The following KHDRBS2 variants were observed in gnomAD, a reference collection of about 807,000 sequenced individuals.
The protein encoded by KHDRBS2 is KH domain-containing, RNA-binding, signal transduction-associated protein 2.
In KHDRBS2, 26 loss-of-function variants were observed where a neutral mutation model predicts 44.3. The observed-to-expected ratio is 0.59, with a 90% CI of 0.43 to 0.81. The LOEUF (loss-of-function observed/expected upper bound fraction) is 0.81. Ranked by LOEUF, KHDRBS2 falls within the 40% of genes least tolerant of loss-of-function variation. The pLI, the probability that KHDRBS2 is intolerant of heterozygous loss-of-function variation, is 0.00. For synonymous variants in KHDRBS2, 194 were observed against 151.1 expected (o/e 1.28, Z -2.08); for missense variants, 476 against 433.1 (o/e 1.10, Z -0.88).
downstream of KHDRBS2, chr6:61,679,923 A>G (rs1363468091): frequency 1.3e-5 from 2 of 151,966 alleles, no homozygotes; most frequent in African/African-American, 4.8e-5. Flanking sequence ...CAAACAAGTC[A>G]ATCAGAATTT....
rs527896431 is a variant in KHDRBS2 at position 62,139,509 on chromosome 6, C to T, written c.219+37676G>A. Among the ~76,000 whole-genome samples, 6 of 150,136 alleles carry T rather than the reference C, an allele frequency of 4.0e-5. No homozygotes were observed. The South Asian group carries it at 8.4e-4, about 21-fold the overall frequency. On this transcript the variant is annotated intron_variant, in intron 2 of 8. Transcript: ENST00000281156. ...CGGAGCTTGCAGCGAGCGGAGATCG[C>T]GCCACTACACTCCAGCCTGGGTGAC...
At position 61,744,039 on chromosome 6, in the gene KHDRBS2, T is replaced by A. The variant is rs1776536932; in HGVS notation, c.811-11275A>T. 3.3e-5 allele frequency among the ~76,000 whole-genome samples: 5 copies of A among 152,146 alleles called. No homozygotes were observed. The South Asian group carries it at 1.0e-3, about 32-fold the overall frequency. ...TCATCCAGTCTATTGTTGTTGGACA[T>A]TTAGGTTGGATCCAAGTCTCTGCTA... On this transcript the variant is annotated intron_variant, in intron 6 of 8. Transcript: ENST00000281156.
chr6:61,582,757 A>G, the KHDRBS2 span, among the ~76,000 whole-genome samples: 1 of 151,544 alleles, frequency 6.6e-6, no homozygotes, highest in African/African-American at 2.4e-5. Flanking sequence ...TAAGATATAT[A>G]TGGTTGCAGA....
chr6:61,635,544 C>A, the KHDRBS2 span, among the ~76,000 whole-genome samples: 1 of 151,884 alleles, frequency 6.6e-6, no homozygotes. Context: ...TTGCATATCA[C>A]CTGAAATTGA....
chr6:62,134,279 T>C (rs1055186607), intron 2 of KHDRBS2, among the ~76,000 whole-genome samples: 1 of 152,126 alleles, frequency 6.6e-6, no homozygotes, highest in African/African-American at 2.4e-5. Flanking sequence ...AAGGTACAGC[T>C]TGGACCGTGG....
chr6:61,571,624 G>T, the KHDRBS2 span, among the ~76,000 whole-genome samples: 1 of 152,046 alleles, frequency 6.6e-6, no homozygotes, highest in African/African-American at 2.4e-5. Flanking sequence ...CTTTTCTTCA[G>T]TACAGGGAAC....
At chr6:62,086,989 C>T (rs1326051894) in intron 2 of KHDRBS2, among the ~76,000 whole-genome samples, 1 of 150,894 alleles carries the variant, frequency 6.6e-6, no homozygotes, top group Non-Finnish European at 1.5e-5. Context: ...GGATGAGAGC[C>T]AGGAAATGAC....
At chr6:62,093,931 C>A (rs1302916957) in intron 2 of KHDRBS2, among the ~76,000 whole-genome samples, 1 of 149,224 alleles carries the variant, frequency 6.7e-6, no homozygotes, top group East Asian at 2.0e-4. Flanking sequence ...CACTGATAGA[C>A]ATTTATGTTT....
At chr6:62,233,308 G>C (rs986104013) in intron 1 of KHDRBS2, among the ~76,000 whole-genome samples, 1 of 152,008 alleles carries the variant, frequency 6.6e-6, no homozygotes, top group South Asian at 2.1e-4. Flanking sequence ...ACTCTTGAAG[G>C]TGTAAAATGG....
the KHDRBS2 span, among the ~76,000 whole-genome samples, chr6:61,581,781 T>A: frequency 2.7e-4 from 41 of 151,288 alleles, no homozygotes; most frequent in Non-Finnish European, 3.0e-5. Flanking sequence ...AAATGGAGAA[T>A]CTGAATAACA....
At chr6:61,902,534 C>A (rs1283567909) in intron 4 of KHDRBS2, among the ~76,000 whole-genome samples, 1 of 152,098 alleles carries the variant, frequency 6.6e-6, no homozygotes, top group Non-Finnish European at 1.5e-5. Context: ...CACACTCTCA[C>A]ACACCCCTGG....
At chr6:61,719,999 A>C (rs1365871667) in intron 7 of KHDRBS2, among the ~76,000 whole-genome samples, 1 of 151,878 alleles carries the variant, frequency 6.6e-6, no homozygotes, top group Non-Finnish European at 1.5e-5. Flanking sequence ...TCATTGTTCA[A>C]TTCCCACCTA....
chr6:61,700,720 G>T (rs1425624915), intron 7 of KHDRBS2, among the ~76,000 whole-genome samples: 1 of 141,494 alleles, frequency 7.1e-6, no homozygotes, highest in Admixed American at 7.4e-5. Flanking sequence ...CTCATCCTGG[G>T]CTTGTGCACA....
At chr6:61,628,210 CTTTTTTTTTTTTTTT>C in the KHDRBS2 span, among the ~76,000 whole-genome samples, 1 of 82,312 alleles carries the variant, frequency 1.2e-5, no homozygotes, top group African/African-American at 5.5e-5. Context: ...CATGTGTAGC[CTTTTTTTTTTTTTTT>C]TTTTTTTTTT....
chr6:62,036,236 T>C (rs1785257096), intron 3 of KHDRBS2, among the ~76,000 whole-genome samples: 1 of 151,910 alleles, frequency 6.6e-6, no homozygotes, highest in South Asian at 2.1e-4. Context: ...AGAGGACGGA[T>C]AGCAACATTT....
chr6:62,125,585 C>A (rs1305236675), intron 2 of KHDRBS2, among the ~76,000 whole-genome samples: 2 of 152,194 alleles, frequency 1.3e-5, no homozygotes, highest in Non-Finnish European at 2.9e-5. Context: ...GAAACTCCTT[C>A]TTTCCACTTG....
intron 3 of KHDRBS2, among the ~76,000 whole-genome samples, chr6:61,981,113 C>G (rs1260488021): frequency 6.8e-6 from 1 of 146,032 alleles, no homozygotes; most frequent in African/African-American, 2.5e-5. Flanking sequence ...ATAAAGAGCA[C>G]CTTAGATCCA....
intron 2 of KHDRBS2, among the ~76,000 whole-genome samples, chr6:62,092,685 T>C (rs532636642): frequency 2.6e-5 from 4 of 152,316 alleles, no homozygotes; most frequent in Admixed American, 2.0e-4. Flanking sequence ...AAATGACCTT[T>C]ATTTTCATCA....
At chr6:61,796,324 G>C (rs1785344444) in intron 6 of KHDRBS2, among the ~76,000 whole-genome samples, 1 of 151,896 alleles carries the variant, frequency 6.6e-6, no homozygotes. Context: ...AATAATGAAT[G>C]ATTATGTAAT....
Sources: allele counts gnomAD v4.1 joint callset (sites outside exome capture counted in the v4.1 genomes callset), GRCh38; gene constraint gnomAD v4.1.1; transcripts MANE v1.5; gene names NCBI Gene and HGNC (gene_info 2026-07-23, HGNC 2026-07-21).